The following ZNF589 variants were observed in gnomAD, a reference collection of about 807,000 sequenced individuals.
ZNF589 encodes KRAB-zinc finger protein SZF1-1.
In ZNF589, 17 loss-of-function variants were observed where a neutral mutation model predicts 13.6. That is an observed-to-expected ratio of 1.25 (90% CI 0.86 to 1.88). ZNF589 has a LOEUF of 1.88. ZNF589 is among the 40% of genes most tolerant of loss of function. The pLI is 0.00. For synonymous variants in ZNF589, 148 were observed against 161.6 expected, an observed-to-expected ratio of 0.92 and a Z score of 0.64; for missense variants, 407 against 434.0, an observed-to-expected ratio of 0.94 and a Z score of 0.55.
At chr3:48,251,665 A>T (rs1039985312) in intron 2 of ZNF589, among the ~76,000 whole-genome samples, 1 of 151,910 alleles carries the variant, frequency 6.6e-6, no homozygotes, top group Non-Finnish European at 1.5e-5. Context: ...TTTATTTTTA[A>T]ATTTGGGCGT....
chr3:48,242,295 A>G (rs921295997), intron 1 of ZNF589, among the ~76,000 whole-genome samples: 3 of 151,894 alleles, frequency 2.0e-5, no homozygotes, highest in Non-Finnish European at 4.4e-5. Flanking sequence ...TATTTTTAGT[A>G]GAGGCGGGGT....
At chr3:48,249,930 C>T (rs1336219988) in intron 2 of ZNF589, among the ~76,000 whole-genome samples, 1 of 152,114 alleles carries the variant, frequency 6.6e-6, no homozygotes, top group African/African-American at 2.4e-5. Flanking sequence ...TAGTTCGAGA[C>T]CAACCTGGCC....
chr3:48,257,157 G>C (rs982771131), intron 2 of ZNF589: 4 of 388,902 alleles, frequency 1.0e-5, no homozygotes, highest in Non-Finnish European at 2.0e-5. Flanking sequence ...TTAGGATAAT[G>C]CTGGATTCAT....
At chr3:48,256,759 ACT>A (rs749499659) in intron 2 of ZNF589, 3 of 1,603,764 alleles carry the variant, frequency 1.9e-6, no homozygotes, top group Non-Finnish European at 2.6e-6. Context: ...GAGGATTTGG[ACT>A]CTCCTTGGGA....
chr3:48,259,685 C>T (rs2033946996), intron 2 of ZNF589, among the ~76,000 whole-genome samples: 1 of 152,040 alleles, frequency 6.6e-6, no homozygotes, highest in South Asian at 2.1e-4. Context: ...CCGAGGCCGG[C>T]AGATCACTTG....
intron 1 of ZNF589, among the ~76,000 whole-genome samples, chr3:48,247,104 GGGATTATA>G (rs1333792654): frequency 2.0e-5 from 3 of 152,030 alleles, no homozygotes; most frequent in Non-Finnish European, 4.4e-5. Context: ...CTGAGTAGCT[GGGATTATA>G]GGCGTGCACT....
At chr3:48,267,648 G>A (rs963758993) in intron 3 of ZNF589, among the ~76,000 whole-genome samples, 1 of 152,164 alleles carries the variant, frequency 6.6e-6, no homozygotes, top group Admixed American at 6.5e-5. Context: ...GCCCGCCTCC[G>A]CCTCCCAAAG....
rs949094016 is a variant in ZNF589 at position 48,269,994 on chromosome 3, T to G, written c.*1208T>G. The G allele has an allele frequency of 2.2e-6, 1 of 456,850 alleles. No individual in the cohort carries two copies. The highest frequency in any genetic ancestry group is 2.0e-5 in the African/African-American group (1 of 50,050). 28.3% of individuals were successfully genotyped at this position (456,850 alleles called of 1,614,324 possible). A position where few individuals can be genotyped will look rare whatever the true frequency, so the allele number is the denominator to read the frequency against. ...TTTTGACCCCTTACATTCCTTTAGA[T>G]GTGAAGATGACAGAGATCTAACTTC... On this transcript the variant is annotated 3_prime_UTR_variant, in exon 4 of 4. Coordinates refer to ENST00000354698, the MANE Select transcript of ZNF589 (RefSeq NM_016089.3).
rs149797223 is a variant in ZNF589, at chr3:48,255,748, C to G, written c.97-5065C>G. Among the ~76,000 whole-genome samples the G allele has an allele frequency of 2.0e-5, 3 of 151,794 alleles. No homozygotes were observed. In the East Asian group the frequency reaches 5.9e-4, roughly 30 times the overall value. ...AGGTGATCTGCCTGCCTTAGCCCCC[C>G]AAAGTGCTGTGATTATAGGCAAGAG... is the stretch of plus-strand genomic sequence containing the variant. On this transcript the variant is annotated intron_variant, in intron 2 of 3. Coordinates refer to ENST00000354698, the MANE Select transcript of ZNF589 (RefSeq NM_016089.3).
chr3:48,245,046 C>T (rs980889426), intron 1 of ZNF589, among the ~76,000 whole-genome samples: 7 of 151,942 alleles, frequency 4.6e-5, no homozygotes, highest in Non-Finnish European at 1.0e-4. Flanking sequence ...AACTACTTAC[C>T]GCCCACCTTG....
Position 48,247,654 on chromosome 3 carries a change from T to G in ZNF589, c.73T>G (p.Trp25Gly). 6.2e-7 allele frequency: 1 copy of G among 1,613,220 alleles called. No individual in the cohort carries two copies. The change falls in exon 2 of 4, where the codon TGG becomes GGG. Residue 25 changes from tryptophan (W) to glycine (G), a missense_variant. Physicochemically the swap from Trp to Gly is radical, Grantham distance 184. Coordinates refer to ENST00000354698, the MANE Select transcript of ZNF589 (RefSeq NM_016089.3). The stretch of plus-strand genomic sequence containing the variant: ...GCCTGCCAAGGATTCTGCCTGGCCC[T>G]GGGAAGAGAAGCCTAGATATCTGGT... ...ALPAKDSAWP[W>G]EEKPRYLGPV... is the part of the protein sequence containing the mutation.
In ZNF589 at chr3:48,269,875, G is replaced by GT. The variant is rs1293153415; in HGVS notation, c.*1091dup. The GT allele has an allele frequency of 2.7e-6, 1 of 370,000 alleles. No individual in the cohort carries two copies. Among genetic ancestry groups the GT allele is most frequent in the Non-Finnish European group, 5.3e-6 (1 of 189,316 alleles). The allele number at this position is 370,000 out of a possible 1,614,324, so 22.9% of individuals were successfully genotyped here. ...AACCTTCATGGAGTGAGAGTAAGGT[G>GT]TTGGCTGGAAGTGGCCCCTTAAGAG... On this transcript the variant is annotated 3_prime_UTR_variant, in exon 4 of 4. Coordinates refer to ENST00000354698, the MANE Select transcript of ZNF589 (RefSeq NM_016089.3).
rs1019726871 is a variant in ZNF589 at position 48,241,224 on chromosome 3, G to C, written c.43+10G>C. 2.5e-6 allele frequency: 4 copies of C among 1,611,018 alleles called. No individual in the cohort carries two copies. Among genetic ancestry groups the C allele is most frequent in the East Asian group, 2.2e-5 (1 of 44,846 alleles). ...GGCTGGACTGCGGAAGGTGAGTCGGGGCCGCGAGATCGCCTCCCCCATTCG... is the reference window on the plus strand; with the variant it reads ...GGCTGGACTGCGGAAGGTGAGTCGGCGCCGCGAGATCGCCTCCCCCATTCG... On this transcript the variant is annotated intron_variant, in intron 1 of 3. Coordinates refer to ENST00000354698, the MANE Select transcript of ZNF589 (RefSeq NM_016089.3).
intron 1 of ZNF589, among the ~76,000 whole-genome samples, chr3:48,241,736 T>TG (rs1316689423): frequency 3.3e-5 from 5 of 152,078 alleles, no homozygotes; most frequent in Non-Finnish European, 7.4e-5. Context: ...TTCACCATGT[T>TG]GGCCAGGCTG....
chr3:48,261,917 C>T (rs2033972051), intron 3 of ZNF589, among the ~76,000 whole-genome samples: 1 of 152,178 alleles, frequency 6.6e-6, no homozygotes, highest in Admixed American at 6.5e-5. Flanking sequence ...GGTCTTGTTA[C>T]TCTTTATCTT....
chr3:48,251,352 A>C (rs1223248185), intron 2 of ZNF589, among the ~76,000 whole-genome samples: 1 of 149,116 alleles, frequency 6.7e-6, no homozygotes, highest in African/African-American at 2.5e-5. Context: ...AGCTGAGATC[A>C]CACCACTGCA....
intron 2 of ZNF589, chr3:48,258,055 C>CA (rs911153363): frequency 2.3e-4 from 74 of 320,026 alleles, no homozygotes; most frequent in African/African-American, 1.6e-3. Flanking sequence ...TCTATATCTA[C>CA]AAAAAAATCT....
chr3:48,260,350 G>A (rs933662600), intron 2 of ZNF589, among the ~76,000 whole-genome samples: 2 of 151,972 alleles, frequency 1.3e-5, no homozygotes, highest in Non-Finnish European at 2.9e-5. Flanking sequence ...GTGTTGCTCA[G>A]GCTAGTCTTG....
intron 1 of ZNF589, among the ~76,000 whole-genome samples, chr3:48,243,525 C>T (rs1351730096): frequency 6.6e-6 from 1 of 151,662 alleles, no homozygotes; most frequent in Non-Finnish European, 1.5e-5. Flanking sequence ...AAAGTAAAGA[C>T]AATGGACCGG....
Sources: gnomAD v4.1 joint callset for allele counts (sites outside exome capture counted in the v4.1 genomes callset) on GRCh38, gnomAD v4.1.1 for gene constraint, MANE v1.5 for transcripts, NCBI Gene and HGNC (gene_info 2026-07-23, HGNC 2026-07-21) for gene names.